THSD4: variants seen among roughly 807,000 people sequenced by gnomAD.
THSD4 encodes the protein thrombospondin type 1 domain containing 4.
A neutral mutation model predicts 119.0 loss-of-function variants in THSD4; 69 were observed. The observed-to-expected ratio is 0.58, with a 90% CI of 0.48 to 0.71. The LOEUF (loss-of-function observed/expected upper bound fraction) is 0.71, where lower values mean the gene tolerates loss of function less well. Ranked by LOEUF, THSD4 falls within the 30% of genes least tolerant of loss-of-function variation. THSD4 has a pLI of 0.00. For missense variants in THSD4, 1,393 were observed against 1,391.1 expected (o/e 1.00, Z -0.02); for synonymous variants, 524 against 540.4 (o/e 0.97, Z 0.42).
chr15:71,702,775 C>T (rs148593476), intron 8 of THSD4, among the ~76,000 whole-genome samples: 3 of 152,212 alleles, frequency 2.0e-5, no homozygotes, highest in Admixed American at 6.5e-5. Context: ...CACTCAGGCA[C>T]CTCCTTGGAG....
chr15:71,780,723 A>G lies in THSD4; in HGVS notation c.*3349A>G, dbSNP rs1039456031. 2.9e-5 allele frequency: 13 copies of G among 455,964 alleles called. No homozygotes were observed. The highest frequency in any genetic ancestry group is 2.6e-4 in the African/African-American group (13 of 49,942). The allele number at this position is 455,964 out of a possible 1,614,324, so 28.2% of individuals were successfully genotyped here. A position where few individuals can be genotyped will look rare whatever the true frequency, so the allele number is the denominator to read the frequency against. On this transcript the variant is annotated 3_prime_UTR_variant, in exon 18 of 18. Transcript: ENST00000261862. The stretch of plus-strand genomic sequence containing the variant: ...CCGCACTGTGCCTACCTGTCCCTTT[A>G]CCTTACCTCTCTGGCCCAGAGTTCT...
At chr15:71,594,375 A>G (rs537062989) in intron 7 of THSD4, among the ~76,000 whole-genome samples, 5 of 152,076 alleles carry the variant, frequency 3.3e-5, no homozygotes, top group African/African-American at 9.6e-5. Flanking sequence ...CGACTGGCTA[A>G]TTTTTGTATT....
chr15:71,203,165 G>GA (rs1306216499), intron 3 of THSD4, among the ~76,000 whole-genome samples: 2 of 152,146 alleles, frequency 1.3e-5, no homozygotes, highest in African/African-American at 4.8e-5. Context: ...TGGGCAGGGA[G>GA]AGAAAGTGTT....
At chr15:71,359,142 T>C (rs1431427422) in intron 6 of THSD4, among the ~76,000 whole-genome samples, 1 of 152,198 alleles carries the variant, frequency 6.6e-6, no homozygotes, top group Non-Finnish European at 1.5e-5. Flanking sequence ...TCTTCTCTTC[T>C]GCTATGAATT....
At chr15:71,620,748 A>G (rs1424830933) in intron 7 of THSD4, among the ~76,000 whole-genome samples, 2 of 152,228 alleles carry the variant, frequency 1.3e-5, no homozygotes, top group African/African-American at 4.8e-5. Context: ...ATCTGATGCC[A>G]TCCTTCCAAC....
chr15:71,503,045 A>AATC (rs2048134841), intron 7 of THSD4, among the ~76,000 whole-genome samples: 1 of 145,332 alleles, frequency 6.9e-6, no homozygotes, highest in African/African-American at 2.7e-5. Context: ...GGGTGCCATC[A>AATC]ATCAGGAAAG....
chr15:71,720,760 G>T (rs2052706661), intron 8 of THSD4, among the ~76,000 whole-genome samples: 1 of 152,230 alleles, frequency 6.6e-6, no homozygotes, highest in Non-Finnish European at 1.5e-5. Flanking sequence ...CCAGGCTTCT[G>T]ACCTCCAGCT....
intron 6 of THSD4, among the ~76,000 whole-genome samples, chr15:71,290,627 A>T (rs1215529283): frequency 1.3e-5 from 2 of 152,260 alleles, no homozygotes; most frequent in East Asian, 3.8e-4. Flanking sequence ...GCAGAGATAC[A>T]TCATTCACTT....
Position 71,746,960 on chromosome 15 carries a change from A to G in THSD4, c.2159A>G (p.Gln720Arg). ...RSLTVQPYRC[Q>R]HLEKPETTST... is the part of the protein sequence containing the mutation. ...CTGACGGTGCAGCCCTACCGCTGCC[A>G]GCACCTGGAGAAACCTGAGACCACC... Residue 720 changes from glutamine to arginine, a missense_variant, in exon 13 of 18, where the codon CAG becomes CGG. Coordinates refer to ENST00000261862, the MANE Select transcript of THSD4 (RefSeq NM_024817.3). 1.2e-6 allele frequency: 2 copies of G among 1,613,842 alleles called. No homozygotes were observed. Among genetic ancestry groups the G allele is most frequent in the South Asian group, 2.2e-5 (2 of 91,066 alleles).
At chr15:71,362,194 G>A (rs1303439279) in intron 6 of THSD4, among the ~76,000 whole-genome samples, 2 of 152,138 alleles carry the variant, frequency 1.3e-5, no homozygotes, top group African/African-American at 2.4e-5. Flanking sequence ...CAGAAGAATC[G>A]CTTGAACCTG....
chr15:71,289,523 CA>C (rs111646776), intron 6 of THSD4, among the ~76,000 whole-genome samples: 1,808 of 152,268 alleles, frequency 0.012, 33 homozygotes, highest in African/African-American at 0.039. Flanking sequence ...AGATAGATAC[CA>C]GGGCCTCCCT....
intron 11 of THSD4, among the ~76,000 whole-genome samples, chr15:71,739,021 A>C (rs758143126): frequency 1.3e-5 from 2 of 151,270 alleles, no homozygotes; most frequent in Non-Finnish European, 2.9e-5. Flanking sequence ...AAGATCTAAA[A>C]TTTAATCTCC....
intron 8 of THSD4, among the ~76,000 whole-genome samples, chr15:71,727,579 TATATATATACACACAC>T (rs1179095280): frequency 1.5e-3 from 19 of 12,894 alleles, no homozygotes; most frequent in African/African-American, 2.1e-3. Context: ...TATATATATA[TATATATATACACACAC>T]ACACACACAC....
At chr15:71,594,117 G>T (rs530205567) in intron 7 of THSD4, among the ~76,000 whole-genome samples, 4 of 152,050 alleles carry the variant, frequency 2.6e-5, no homozygotes, top group Admixed American at 2.6e-4. Flanking sequence ...TTTCCTGCCC[G>T]GTCCCTCTCT....
intron 7 of THSD4, among the ~76,000 whole-genome samples, chr15:71,459,205 C>T (rs2047384275): frequency 7.2e-6 from 1 of 139,822 alleles, no homozygotes; most frequent in Non-Finnish European, 1.5e-5. Flanking sequence ...GTTGCTCAGG[C>T]TGGAGTGCAG....
intron 6 of THSD4, among the ~76,000 whole-genome samples, chr15:71,372,964 G>A (rs2046077155): frequency 6.6e-6 from 1 of 152,222 alleles, no homozygotes; most frequent in South Asian, 2.1e-4. Context: ...ACCTACTCAA[G>A]CCTCAGCAAT....
intron 7 of THSD4, among the ~76,000 whole-genome samples, chr15:71,550,688 C>A (rs972646509): frequency 2.6e-5 from 4 of 152,178 alleles, no homozygotes; most frequent in Admixed American, 6.5e-5. Context: ...GATCCGCCCA[C>A]CTCAGCCTCC....
intron 7 of THSD4, chr15:71,547,568 T>G: frequency 6.8e-7 from 1 of 1,460,216 alleles, no homozygotes; most frequent in Admixed American, 2.2e-5. Context: ...GATCAGGGAA[T>G]GGAATTTTAT....
In THSD4 at chr15:71,411,832, C is replaced by G; in HGVS notation, c.1152+9C>G. The G allele has an allele frequency of 6.2e-7, 1 of 1,613,628 alleles. No homozygotes were observed. Among genetic ancestry groups the G allele is most frequent in the Non-Finnish European group, 8.5e-7 (1 of 1,179,742 alleles). On this transcript the variant is annotated intron_variant, in intron 7 of 17. Transcript: ENST00000261862. The stretch of plus-strand genomic sequence containing the variant: ...TGTCTGGGCAGTGCAAGGTAAGTGC[C>G]CCCGAACTGGGGTGAATTCTTAAGG...
Sources: gnomAD v4.1 joint callset for allele counts (sites outside exome capture counted in the v4.1 genomes callset) on GRCh38, gnomAD v4.1.1 for gene constraint, MANE v1.5 for transcripts, NCBI Gene and HGNC (gene_info 2026-07-23, HGNC 2026-07-21) for gene names.